CIROZ: variants seen among roughly 807,000 people sequenced by gnomAD.
CIROZ encodes the protein ciliated left-right organizer protein containing ZP-N domains, also known as ciliated left-right organizer ZP-N domains-containing protein.
At chr1:10,958,613 C>T in the CIROZ span, 3 of 1,385,646 alleles carry the variant, frequency 2.2e-6, no homozygotes, top group Non-Finnish European at 3.1e-6. Context: ...CTCCGGAGGA[C>T]AAGCAAACTC....
At chr1:10,950,932 C>CT in the CIROZ span, among the ~76,000 whole-genome samples, 3 of 152,324 alleles carry the variant, frequency 2.0e-5, no homozygotes, top group African/African-American at 7.2e-5. Context: ...GGATCAGCTC[C>CT]AGCTAAGCGA....
At chr1:10,958,821 G>T in the CIROZ span, 1 of 1,545,138 alleles carries the variant, frequency 6.5e-7, no homozygotes, top group Non-Finnish European at 8.9e-7. Flanking sequence ...ATCCCTGCCT[G>T]TGCCCATCAG....
the CIROZ span, chr1:10,948,139 T>C: frequency 6.2e-7 from 1 of 1,613,588 alleles, no homozygotes; most frequent in Non-Finnish European, 8.5e-7. Flanking sequence ...GTGGAGAATG[T>C]GGCATCCCTC....
At chr1:10,979,533 G>A in the CIROZ span, among the ~76,000 whole-genome samples, 1 of 152,160 alleles carries the variant, frequency 6.6e-6, no homozygotes, top group Admixed American at 6.6e-5. Context: ...CTTGGGAACT[G>A]GTAGAATCTA....
chr1:10,951,727 ATT>A, the CIROZ span, among the ~76,000 whole-genome samples: 7,795 of 126,822 alleles, frequency 0.061, 379 homozygotes, highest in African/African-American at 0.14. Flanking sequence ...CCTGTCTCTT[ATT>A]TAAAAAAAAA....
chr1:10,969,890 G>C, the CIROZ span: 2 of 1,440,370 alleles, frequency 1.4e-6, no homozygotes, highest in Non-Finnish European at 1.8e-6. Context: ...CAAGAGCCAT[G>C]GGGGAGGAGC....
the CIROZ span, chr1:10,963,995 A>G: frequency 9.0e-7 from 1 of 1,116,418 alleles, no homozygotes; most frequent in Non-Finnish European, 1.3e-6. Context: ...GCCATACTGC[A>G]TCTGCAGCTA....
the CIROZ span, chr1:10,957,643 C>T: frequency 1.4e-5 from 22 of 1,614,026 alleles, no homozygotes; most frequent in Non-Finnish European, 1.6e-5. Context: ...GGCCTTGTCT[C>T]GGGCTTTGGA....
chr1:10,951,787 CAT>C, the CIROZ span, among the ~76,000 whole-genome samples: 1 of 145,762 alleles, frequency 6.9e-6, no homozygotes, highest in African/African-American at 2.6e-5. Flanking sequence ...CATACACACA[CAT>C]ATGAAAACAA....
At chr1:10,975,707 G>T in the CIROZ span, among the ~76,000 whole-genome samples, 3 of 152,058 alleles carry the variant, frequency 2.0e-5, no homozygotes, top group Non-Finnish European at 2.9e-5. Flanking sequence ...ATCTGTTTGC[G>T]GGGTGGCTAA....
the CIROZ span, chr1:10,976,123 C>T: frequency 1.3e-6 from 2 of 1,519,222 alleles, no homozygotes; most frequent in Non-Finnish European, 8.8e-7. Flanking sequence ...TATCCAAAGC[C>T]TGATGCCAAC....
the CIROZ span, chr1:10,969,831 G>A: frequency 2.3e-6 from 3 of 1,287,216 alleles, no homozygotes; most frequent in South Asian, 1.7e-5. Context: ...GAAGGGCTGT[G>A]GGGGGAGGTG....
the CIROZ span, chr1:10,970,239 T>C: frequency 7.3e-3 from 5,445 of 743,848 alleles, 225 homozygotes; most frequent in African/African-American, 0.083. Context: ...CATGTAGGGG[T>C]CATATTGTCC....
the CIROZ span, among the ~76,000 whole-genome samples, chr1:10,968,462 T>C: frequency 2.0e-5 from 3 of 152,192 alleles, no homozygotes; most frequent in South Asian, 6.2e-4. Context: ...GCACGCAGCT[T>C]CCACCGCTAT....
the CIROZ span, among the ~76,000 whole-genome samples, chr1:10,959,592 A>G: frequency 5.8e-4 from 89 of 152,334 alleles, 1 homozygote; most frequent in Non-Finnish European, 4.7e-4. The surrounding 1 kb of genome is among the most constrained non-coding windows in gnomAD (Gnocchi z 4.3). Flanking sequence ...GGAGACCATC[A>G]GACCCCCTCT....
chr1:10,965,399 T>G, the CIROZ span, among the ~76,000 whole-genome samples: 1 of 151,952 alleles, frequency 6.6e-6, no homozygotes, highest in Non-Finnish European at 1.5e-5. Flanking sequence ...TGCGGCTGGT[T>G]GTCCCCTTGC....
At chr1:10,982,038 C>T in the CIROZ span, 1 of 1,537,220 alleles carries the variant, frequency 6.5e-7, no homozygotes, top group Non-Finnish European at 8.7e-7. Flanking sequence ...ACCCCCACAT[C>T]CTCAGGCCCA....
the CIROZ span, among the ~76,000 whole-genome samples, chr1:10,970,352 G>A: frequency 7.9e-5 from 12 of 152,254 alleles, no homozygotes; most frequent in South Asian, 2.5e-3. Context: ...TGCAGGCTGG[G>A]CACGGTGGCT....
the CIROZ span, among the ~76,000 whole-genome samples, chr1:10,950,934 G>T: frequency 2.0e-5 from 3 of 152,324 alleles, no homozygotes; most frequent in African/African-American, 7.2e-5. Flanking sequence ...ATCAGCTCCA[G>T]CTAAGCGAGG....
Sources: gnomAD v4.1 joint callset for allele counts (sites outside exome capture counted in the v4.1 genomes callset) on GRCh38, gnomAD v4.1.1 for gene constraint, Gnocchi (gnomAD v3.1) non-coding constraint, MANE v1.5 for transcripts, NCBI Gene and HGNC (gene_info 2026-07-23, HGNC 2026-07-21) for gene names.